ADGRE3: variants seen among roughly 807,000 people sequenced by gnomAD.
The protein encoded by ADGRE3 is adhesion G protein-coupled receptor E3.
ADGRE3 carries 88 observed loss-of-function variants against 80.1 expected under a neutral mutation model. That is an observed-to-expected ratio of 1.10 (90% CI 0.93 to 1.31). The LOEUF (loss-of-function observed/expected upper bound fraction) is 1.31, where lower values mean the gene tolerates loss of function less well. ADGRE3 is among the 40% of genes most tolerant of loss of function. The pLI, the probability that ADGRE3 is intolerant of heterozygous loss-of-function variation, is 0.00. For synonymous variants in ADGRE3, 281 were observed against 294.8 expected (o/e 0.95, Z 0.48); for missense variants, 715 against 776.5 (o/e 0.92, Z 0.94).
chr19:14,635,568 C>G (rs1199253172), intron 11 of ADGRE3, among the ~76,000 whole-genome samples: 2 of 151,858 alleles, frequency 1.3e-5, no homozygotes, highest in African/African-American at 4.8e-5. Flanking sequence ...CGCACCACCA[C>G]GCCCGGCTAA....
chr19:14,638,435 G>T, intron 10 of ADGRE3, 95 bp from the exon 11 acceptor site: 2 of 834,958 alleles, frequency 2.4e-6, no homozygotes, highest in Non-Finnish European at 3.9e-6. Context: ...CAGAGCACCT[G>T]ACATCAGACC....
chr19:14,609,440 T>C, the ADGRE3 span, among the ~76,000 whole-genome samples: 2 of 152,312 alleles, frequency 1.3e-5, no homozygotes, highest in African/African-American at 2.4e-5. Context: ...GGCCCTGCTT[T>C]AAGCAAGAGC....
intron 14 of ADGRE3, 144 bp downstream of exon 14, chr19:14,629,895 A>G: frequency 2.0e-6 from 1 of 492,520 alleles, no homozygotes; most frequent in East Asian, 3.0e-5. Context: ...TAGCATTTTT[A>G]AAGTAGAGAA....
Position 14,636,168 on chromosome 19 carries a change from T to TTCCTTCCTTCC in ADGRE3, c.1484+1936_1484+1937insGGAAGGAAGGA, listed in dbSNP as rs1491114246. 2.0e-4 allele frequency among the ~76,000 whole-genome samples: 12 copies of TTCCTTCCTTCC among 60,574 alleles called. 1 individual carries two copies. Among genetic ancestry groups the TTCCTTCCTTCC allele is most frequent in the Non-Finnish European group, 2.6e-4 (8 of 31,232 alleles). 39.7% of individuals were successfully genotyped at this position (60,574 alleles called of 152,430 possible). A position where few individuals can be genotyped will look rare whatever the true frequency, so the allele number is the denominator to read the frequency against. On this transcript the variant is annotated intron_variant, in intron 11 of 15. Coordinates refer to ENST00000253673, the MANE Select transcript of ADGRE3 (RefSeq NM_032571.5). ...TTTCTTTCTTCCTTTCCTCCTTTCC[T>TTCCTTCCTTCC]TTCCTTTCCTTCCTCTTTCTTTCTT...
chr19:14,630,721 C>T (rs1347059762), intron 13 of ADGRE3, among the ~76,000 whole-genome samples: 1 of 151,910 alleles, frequency 6.6e-6, no homozygotes, highest in East Asian at 1.9e-4. Context: ...GCCTCAGTTC[C>T]CTTATCTTAA....
In ADGRE3 at chr19:14,646,693, CTCCTTCCTTCCTTCCTTCCT is replaced by C. The variant is rs1217192329; in HGVS notation, c.882+468_882+487del. 9.0e-5 allele frequency among the ~76,000 whole-genome samples: 6 copies of C among 66,504 alleles called. No homozygotes were observed. In the East Asian group the frequency reaches 2.3e-3, roughly 25 times the overall value. 43.6% of individuals were successfully genotyped at this position (66,504 alleles called of 152,430 possible). A position where few individuals can be genotyped will look rare whatever the true frequency, so the allele number is the denominator to read the frequency against. On this transcript the variant is annotated intron_variant, in intron 8 of 15. Transcript: ENST00000253673. The stretch of plus-strand genomic sequence containing the variant: ...CCTCCCTCCCTCCCTCCCTCCCTCC[CTCCTTCCTTCCTTCCTTCCT>C]TCCTTCCTTCCTTCCTTCTTTCCTC...
intron 6 of ADGRE3, among the ~76,000 whole-genome samples, chr19:14,654,282 A>G (rs1287462913): frequency 1.4e-5 from 2 of 144,420 alleles, no homozygotes; most frequent in African/African-American, 2.6e-5. Context: ...TTTTTTAATG[A>G]GACAGGTTCT....
intron 14 of ADGRE3, chr19:14,628,689 G>T: frequency 2.6e-6 from 1 of 386,680 alleles, no homozygotes. Flanking sequence ...GATGTGAGTT[G>T]CAAAAACTGC....
chr19:14,646,673 CTCCCTCCCTCCCTCCCTCCCTCCTTCCT>C (rs1299559093), intron 8 of ADGRE3, among the ~76,000 whole-genome samples: 3 of 91,738 alleles, frequency 3.3e-5, no homozygotes, highest in African/African-American at 4.4e-5. Context: ...CCCTCCCTCC[CTCCCTCCCTCCCTCCCTCCCTCCTTCCT>C]TCCTTCCTTC....
At chr19:14,600,880 C>T in the ADGRE3 span, among the ~76,000 whole-genome samples, 778 of 142,586 alleles carry the variant, frequency 5.5e-3, 9 homozygotes, top group African/African-American at 0.019. Flanking sequence ...TGAGCCACCA[C>T]GCTCGGCCTT....
Position 14,641,624 on chromosome 19 carries a change from C to T in ADGRE3, c.1051-8G>A, listed in dbSNP as rs376992897. 2.7e-5 allele frequency: 44 copies of T among 1,613,580 alleles called. No individual in the cohort carries two copies. Among genetic ancestry groups the T allele is most frequent in the East Asian group, 2.0e-4 (9 of 44,842 alleles). On this transcript the variant is annotated splice_polypyrimidine_tract_variant and splice_region_variant and intron_variant, in intron 9 of 15. Coordinates refer to ENST00000253673, the MANE Select transcript of ADGRE3 (RefSeq NM_032571.5). ...CAGCACGGGATCCTCCTCCTGGGAC[C>T]GAGAAAAAAAGTTCACAGTGATGCT...
chr19:14,643,143 G>GT (rs1568485721), intron 9 of ADGRE3, among the ~76,000 whole-genome samples: 42 of 122,060 alleles, frequency 3.4e-4, no homozygotes, highest in African/African-American at 1.5e-3. Flanking sequence ...TAGTAATCAT[G>GT]GTTTTTTTTT....
chr19:14,662,210 T>C (rs8102148), intron 3 of ADGRE3, 92 bp from the exon 4 acceptor site: 335,979 of 1,318,962 alleles, frequency 0.25, 44,435 homozygotes, highest in Middle Eastern at 0.38. Flanking sequence ...TCCCCCATGG[T>C]CTGTCCTGGC....
chr19:14,662,736 A>C (rs1009575586), intron 3 of ADGRE3, among the ~76,000 whole-genome samples: 1 of 151,682 alleles, frequency 6.6e-6, no homozygotes, highest in Admixed American at 6.6e-5. Flanking sequence ...AACAGCCCCC[A>C]TTTTGCCTCC....
chr19:14,610,370 A>G, the ADGRE3 span: 11 of 869,384 alleles, frequency 1.3e-5, no homozygotes, highest in Admixed American at 2.7e-4. Flanking sequence ...CTGTTTCTAG[A>G]GTGAGGACTT....
intron 2 of ADGRE3, among the ~76,000 whole-genome samples, chr19:14,664,298 G>T (rs12151217): frequency 6.6e-6 from 1 of 151,902 alleles, no homozygotes; most frequent in African/African-American, 2.4e-5. Flanking sequence ...TTAGCCAGGC[G>T]TAGTGGCACA....
intron 1 of ADGRE3, among the ~76,000 whole-genome samples, chr19:14,674,453 C>T (rs1247222999): frequency 3.3e-5 from 5 of 152,032 alleles, no homozygotes; most frequent in Admixed American, 2.0e-4. Flanking sequence ...GTCAAGATTG[C>T]GCCACTGCAC....
chr19:14,636,973 A>G (rs1971107880), intron 11 of ADGRE3, among the ~76,000 whole-genome samples: 1 of 152,066 alleles, frequency 6.6e-6, no homozygotes, highest in African/African-American at 2.4e-5. Context: ...GGGCACCTGT[A>G]ATCTCAGTTA....
intron 6 of ADGRE3, among the ~76,000 whole-genome samples, chr19:14,654,237 G>A (rs1352141972): frequency 3.4e-5 from 5 of 149,082 alleles, no homozygotes; most frequent in Non-Finnish European, 5.9e-5. Context: ...ATAGGTGTAA[G>A]CCACCATGCC....
Sources: allele counts gnomAD v4.1 joint callset (sites outside exome capture counted in the v4.1 genomes callset), GRCh38; gene constraint gnomAD v4.1.1; transcripts MANE v1.5; gene names NCBI Gene and HGNC (gene_info 2026-07-23, HGNC 2026-07-21).